The following LMX1A variants were observed in gnomAD, a reference collection of about 807,000 sequenced individuals.
LMX1A encodes LIM homeobox transcription factor 1 alpha.
A neutral mutation model predicts 49.1 loss-of-function variants in LMX1A; 15 were observed. The observed-to-expected ratio is 0.31, with a 90% CI of 0.20 to 0.47. The LOEUF is 0.47. LMX1A is among the 20% of genes least tolerant of loss of function. LMX1A has a pLI of 1.00. For missense variants in LMX1A, 372 were observed against 475.8 expected, an observed-to-expected ratio of 0.78 and a Z score of 2.03; for synonymous variants, 167 against 185.7, an observed-to-expected ratio of 0.90 and a Z score of 0.82.
intron 3 of LMX1A, among the ~76,000 whole-genome samples, chr1:165,296,570 C>T (rs933687587): frequency 2.6e-5 from 4 of 152,250 alleles, no homozygotes; most frequent in Non-Finnish European, 5.9e-5. Flanking sequence ...TCAGAATTAA[C>T]TGCTCCTTCC....
intron 3 of LMX1A, among the ~76,000 whole-genome samples, chr1:165,258,060 G>A (rs1432443551): frequency 3.3e-5 from 5 of 152,152 alleles, no homozygotes; most frequent in African/African-American, 1.2e-4. Flanking sequence ...GAGGGTTTGG[G>A]GCAGCTCTTT....
intron 3 of LMX1A, among the ~76,000 whole-genome samples, chr1:165,317,711 T>C (rs1025844369): frequency 6.6e-6 from 1 of 152,228 alleles, no homozygotes; most frequent in Non-Finnish European, 1.5e-5. Context: ...CAGGAGGATT[T>C]AAAACACATC....
At chr1:165,257,903 T>G (rs1653304201) in intron 3 of LMX1A, among the ~76,000 whole-genome samples, 1 of 152,184 alleles carries the variant, frequency 6.6e-6, no homozygotes, top group Non-Finnish European at 1.5e-5. Flanking sequence ...CCAACTGTAG[T>G]GTACTGTGTT....
At chr1:165,220,600 G>A (rs1456635426) in intron 4 of LMX1A, among the ~76,000 whole-genome samples, 1 of 152,220 alleles carries the variant, frequency 6.6e-6, no homozygotes, top group Non-Finnish European at 1.5e-5. Flanking sequence ...TTTCATGCAA[G>A]GCTTGTCTAC....
intron 3 of LMX1A, among the ~76,000 whole-genome samples, chr1:165,286,391 G>T (rs1654305334): frequency 6.6e-6 from 1 of 152,176 alleles, no homozygotes; most frequent in South Asian, 2.1e-4. Context: ...GGTCTGACAT[G>T]CCAGTTTGTT....
chr1:165,340,192 T>C (rs1470107458), intron 3 of LMX1A, among the ~76,000 whole-genome samples: 1 of 152,068 alleles, frequency 6.6e-6, no homozygotes, highest in Non-Finnish European at 1.5e-5. Flanking sequence ...AGCCTCAAAC[T>C]CCTGAGCAAA....
intron 3 of LMX1A, among the ~76,000 whole-genome samples, chr1:165,346,501 G>T (rs1350789598): frequency 6.6e-6 from 1 of 152,242 alleles, no homozygotes; most frequent in Admixed American, 6.5e-5. Flanking sequence ...AAGGCGACAA[G>T]CTCTACAGAT....
intron 4 of LMX1A, among the ~76,000 whole-genome samples, chr1:165,228,002 T>A (rs1280862966): frequency 6.6e-6 from 1 of 152,232 alleles, no homozygotes; most frequent in Non-Finnish European, 1.5e-5. Context: ...TCATTCTAGG[T>A]TCTGGGAATA....
At chr1:165,290,820 G>GC (rs1406189605) in intron 3 of LMX1A, among the ~76,000 whole-genome samples, 2 of 152,084 alleles carry the variant, frequency 1.3e-5, no homozygotes, top group Non-Finnish European at 2.9e-5. Context: ...GTAAATTCTT[G>GC]CCCCCCACCC....
chr1:165,212,486 T>C (rs1420421656), intron 5 of LMX1A, among the ~76,000 whole-genome samples: 2 of 144,666 alleles, frequency 1.4e-5, no homozygotes, highest in Non-Finnish European at 3.0e-5. Context: ...AAAATACATG[T>C]TTGTTGGGAA....
chr1:165,255,407 A>C (rs1356516162), intron 3 of LMX1A, among the ~76,000 whole-genome samples: 1 of 152,210 alleles, frequency 6.6e-6, no homozygotes, highest in Non-Finnish European at 1.5e-5. Context: ...TATAAGATGC[A>C]TAACTTTCAG....
intron 4 of LMX1A, among the ~76,000 whole-genome samples, chr1:165,222,843 A>G (rs756021211): frequency 1.8e-4 from 28 of 152,168 alleles, no homozygotes; most frequent in Non-Finnish European, 3.4e-4. Flanking sequence ...CATTCCATAA[A>G]CCACTAACAG....
chr1:165,321,104 C>A (rs2101743879), intron 3 of LMX1A, among the ~76,000 whole-genome samples: 1 of 152,188 alleles, frequency 6.6e-6, no homozygotes, highest in East Asian at 1.9e-4. Context: ...ATGGACGAAC[C>A]CTAAAAACAT....
intron 3 of LMX1A, among the ~76,000 whole-genome samples, chr1:165,260,980 CTG>C (rs1469786643): frequency 2.0e-5 from 3 of 152,154 alleles, no homozygotes; most frequent in Non-Finnish European, 4.4e-5. Context: ...GGGTCAAATT[CTG>C]TGATCTTATT....
intron 3 of LMX1A, among the ~76,000 whole-genome samples, chr1:165,329,426 CCT>C (rs5778442): frequency 0.55 from 84,237 of 151,820 alleles, 24,621 homozygotes; most frequent in East Asian, 0.82. Context: ...CAAGACAGGG[CCT>C]CTCTGTTCCC....
At chr1:165,263,922 C>T (rs909884811) in intron 3 of LMX1A, among the ~76,000 whole-genome samples, 5 of 152,174 alleles carry the variant, frequency 3.3e-5, no homozygotes, top group African/African-American at 1.2e-4. Flanking sequence ...CAAGGTAATA[C>T]TACCACCATT....
At position 165,353,161 on chromosome 1, in the gene LMX1A, C is replaced by G. The variant is rs767123477; in HGVS notation, c.178G>C (p.Val60Leu). 1.2e-6 allele frequency: 2 copies of G among 1,614,156 alleles called. No homozygotes were observed. The highest frequency in any genetic ancestry group is 4.5e-5 in the East Asian group (2 of 44,878). ...LNDSFWHEQC[V>L]QCASCKEPLE... ...GGCTCTTTGCAGGAGGCGCACTGCACGCACTGCTCATGCCAGAAGCTGTCG... is the reference window on the plus strand; with the variant it reads ...GGCTCTTTGCAGGAGGCGCACTGCAGGCACTGCTCATGCCAGAAGCTGTCG... Residue 60 changes from valine to leucine, a missense_variant, in exon 3 of 9, where the codon GTG (valine) becomes CTG (leucine). This residue lies in a region of LMX1A where 199 missense variants were observed against 244.0 expected (regional missense o/e 0.82). Coordinates refer to ENST00000342310, the MANE Select transcript of LMX1A (RefSeq NM_177398.4).
At position 165,244,159 on chromosome 1, in the gene LMX1A, C is replaced by A. The variant is rs1652760593; in HGVS notation, c.496+5249G>T. On this transcript the variant is annotated intron_variant, in intron 4 of 8. Coordinates refer to ENST00000342310, the MANE Select transcript of LMX1A (RefSeq NM_177398.4). Reference sequence around the variant, plus strand: ...TCTGGATAGCTGAAATGTGGAGGTTCCTGGAGGGGTGCATCCAGAGAGAGC... The same window carrying A: ...TCTGGATAGCTGAAATGTGGAGGTTACTGGAGGGGTGCATCCAGAGAGAGC... Among the ~76,000 whole-genome samples the A allele has an allele frequency of 2.6e-5, 4 of 152,208 alleles. No homozygotes were observed. The South Asian group carries it at 8.3e-4, about 31-fold the overall frequency.
At position 165,213,502 on chromosome 1, in the gene LMX1A, T is replaced by C. The variant is rs1651509623; in HGVS notation, c.669+139A>G. Reference sequence around the variant, plus strand: ...GTGATCTCTGGAGTCTCCAACAGGCTTGAGCCGCCTGTGCAGGCTCTGTCT... The same window carrying C: ...GTGATCTCTGGAGTCTCCAACAGGCCTGAGCCGCCTGTGCAGGCTCTGTCT... On this transcript the variant is annotated intron_variant, in intron 5 of 8. Transcript: ENST00000342310. 17 of 769,966 alleles carry C rather than the reference T, an allele frequency of 2.2e-5. 1 individual carries two copies. In the South Asian group the frequency reaches 2.9e-4, roughly 13 times the overall value. 47.7% of individuals were successfully genotyped at this position (769,966 alleles called of 1,614,324 possible).
Sources: allele counts gnomAD v4.1 joint callset (sites outside exome capture counted in the v4.1 genomes callset), GRCh38; gene constraint gnomAD v4.1.1; regional missense constraint gnomAD v4.1.1; transcripts MANE v1.5; gene names NCBI Gene and HGNC (gene_info 2026-07-23, HGNC 2026-07-21).